The following DNAH9 variants were observed in gnomAD, a reference collection of about 807,000 sequenced individuals.
DNAH9 encodes dynein axonemal heavy chain 9, also known as DNAH9 variant protein.
A neutral mutation model predicts 471.6 loss-of-function variants in DNAH9; 345 were observed. The observed-to-expected ratio is 0.73, with a 90% CI of 0.67 to 0.80. DNAH9 has a LOEUF of 0.80. DNAH9 is among the 30% of genes least tolerant of loss of function. DNAH9 has a pLI of 0.00. For synonymous variants in DNAH9, 2,093 were observed against 2,123.6 expected (o/e 0.99, Z 0.40); for missense variants, 5,407 against 5,609.2 (o/e 0.96, Z 1.15).
At position 11,869,123 on chromosome 17, in the gene DNAH9, T is replaced by A; in HGVS notation, c.9934-11T>A. The A allele has an allele frequency of 6.2e-7, 1 of 1,613,214 alleles. No individual in the cohort carries two copies. On this transcript the variant is annotated splice_polypyrimidine_tract_variant and intron_variant, in intron 50 of 68. Coordinates refer to ENST00000262442, the MANE Select transcript of DNAH9 (RefSeq NM_001372.4). The stretch of plus-strand genomic sequence containing the variant: ...AAATGACTGATGGTCCTTGTATTCC[T>A]TCCTAAACAGCACCTTAATGAAAAC...
In DNAH9 at chr17:11,610,406, A is replaced by G; in HGVS notation, c.625A>G (p.Ile209Val). 6.2e-7 allele frequency: 1 copy of G among 1,613,008 alleles called. No individual in the cohort carries two copies. Among genetic ancestry groups the G allele is most frequent in the Non-Finnish European group, 8.5e-7 (1 of 1,179,590 alleles). Reference sequence around the variant, plus strand: ...TTTTGTCTTTCACAGCTTGGATTCTATAGATAAGTCAGTCATCTATGCCAT... The same window carrying G: ...TTTTGTCTTTCACAGCTTGGATTCTGTAGATAAGTCAGTCATCTATGCCAT... ...DSKSETVLDSIDKSVIYAIES... is the reference protein window; with the variant it reads ...DSKSETVLDSVDKSVIYAIES... Residue 209 changes from isoleucine to valine, a missense_variant, in exon 3 of 69, where the codon ATA (isoleucine) becomes GTA (valine). Physicochemically the swap from Ile to Val is conservative, Grantham distance 29 (BLOSUM62 3). Around this residue, in one of 3 missense-constraint regions of DNAH9, gnomAD observed 767 missense variants for 692.5 expected, o/e 1.11. Coordinates refer to ENST00000262442, the MANE Select transcript of DNAH9 (RefSeq NM_001372.4).
intron 21 of DNAH9, 138 bp downstream of exon 21, chr17:11,694,136 G>T: frequency 7.8e-7 from 1 of 1,277,528 alleles, no homozygotes. Context: ...GGGTAGCATG[G>T]GGCATTATTA....
At chr17:11,930,733 C>G (rs1206212093) in intron 63 of DNAH9, among the ~76,000 whole-genome samples, 1 of 145,926 alleles carries the variant, frequency 6.9e-6, no homozygotes, top group Admixed American at 7.1e-5. Flanking sequence ...CCACTGCACT[C>G]CAGCCTGGGC....
intron 60 of DNAH9, among the ~76,000 whole-genome samples, chr17:11,905,107 G>GCA (rs1973546320): frequency 1.3e-5 from 2 of 151,836 alleles, no homozygotes; most frequent in Admixed American, 1.3e-4. Context: ...GGTGGCAGGC[G>GCA]CCTGTAGTCC....
chr17:11,661,535 C>G (rs1004354460), intron 14 of DNAH9, among the ~76,000 whole-genome samples: 1 of 152,038 alleles, frequency 6.6e-6, no homozygotes, highest in Non-Finnish European at 1.5e-5. Context: ...TTTTGGGTAA[C>G]TGTATATTTT....
chr17:11,781,303 TAA>T, intron 39 of DNAH9, 129 bp downstream of exon 39: 1 of 980,434 alleles, frequency 1.0e-6, no homozygotes, highest in Non-Finnish European at 1.4e-6. Context: ...ATCTTTGTGG[TAA>T]ACCACATTTC....
intron 41 of DNAH9, 147 bp downstream of exon 41, chr17:11,784,686 A>G: frequency 1.7e-6 from 2 of 1,175,586 alleles, no homozygotes; most frequent in Non-Finnish European, 2.4e-6. Context: ...GCAGGTACAC[A>G]CAGTGCCATG....
chr17:11,968,674 CTT>C (rs1333663569), intron 68 of DNAH9, among the ~76,000 whole-genome samples: 1 of 152,172 alleles, frequency 6.6e-6, no homozygotes, highest in Non-Finnish European at 1.5e-5. Flanking sequence ...CCAAGGGAGA[CTT>C]TGGCTCCGCA....
chr17:11,761,788 C>G (rs558246343), intron 35 of DNAH9, among the ~76,000 whole-genome samples: 3 of 152,244 alleles, frequency 2.0e-5, no homozygotes, highest in South Asian at 4.1e-4. Context: ...AGCTACCTTC[C>G]CTGTGCAGGA....
At chr17:11,614,154 C>A (rs377659075) in intron 4 of DNAH9, among the ~76,000 whole-genome samples, 17 of 152,202 alleles carry the variant, frequency 1.1e-4, no homozygotes, top group African/African-American at 3.9e-4. Flanking sequence ...GAAAATTTGG[C>A]AGGATCTTCT....
At position 11,921,534 on chromosome 17, in the gene DNAH9, T is replaced by C. The variant is rs898979451; in HGVS notation, c.11750-2280T>C. ...GTCACAAGCAGTAGGGGTGGAGGCATGGAAGCACCAGCATACAACAATCTG... is the reference window on the plus strand; with the variant it reads ...GTCACAAGCAGTAGGGGTGGAGGCACGGAAGCACCAGCATACAACAATCTG... On this transcript the variant is annotated intron_variant, in intron 61 of 68. Coordinates refer to ENST00000262442, the MANE Select transcript of DNAH9 (RefSeq NM_001372.4). Among the ~76,000 whole-genome samples the C allele has an allele frequency of 2.0e-5, 3 of 152,108 alleles. No homozygotes were observed. In the South Asian group the frequency reaches 6.2e-4, roughly 32 times the overall value.
intron 61 of DNAH9, among the ~76,000 whole-genome samples, chr17:11,906,338 G>A (rs1229058950): frequency 6.6e-6 from 1 of 152,172 alleles, no homozygotes; most frequent in Non-Finnish European, 1.5e-5. Context: ...TAAAGAAAAT[G>A]TGGTACGGCT....
At chr17:11,922,620 C>T (rs1270532479) in intron 61 of DNAH9, among the ~76,000 whole-genome samples, 1 of 152,178 alleles carries the variant, frequency 6.6e-6, no homozygotes. Context: ...ACCAGCAACC[C>T]TTATATACAT....
intron 20 of DNAH9, among the ~76,000 whole-genome samples, chr17:11,690,653 A>G (rs994683293): frequency 1.3e-5 from 2 of 151,874 alleles, no homozygotes; most frequent in East Asian, 1.9e-4. Flanking sequence ...TTGTCCTTCA[A>G]TGGGTAGGAA....
chr17:11,958,668 G>A (rs1975805420), intron 67 of DNAH9, among the ~76,000 whole-genome samples: 1 of 151,882 alleles, frequency 6.6e-6, no homozygotes, highest in Non-Finnish European at 1.5e-5. Flanking sequence ...ATGTGTCGAG[G>A]CAGAAGATAT....
intron 45 of DNAH9, among the ~76,000 whole-genome samples, chr17:11,814,257 G>A (rs1215877561): frequency 6.6e-6 from 1 of 152,108 alleles, no homozygotes; most frequent in African/African-American, 2.4e-5. Flanking sequence ...TTATTCCCTG[G>A]CTTTCCAGGA....
chr17:11,818,716 G>T lies in DNAH9; in HGVS notation c.8708-3204G>T, dbSNP rs531374467. Among the ~76,000 whole-genome samples, 19 of 152,026 alleles carry T rather than the reference G, an allele frequency of 1.2e-4. No homozygotes were observed. In the South Asian group the frequency reaches 2.5e-3, roughly 20 times the overall value. On this transcript the variant is annotated intron_variant, in intron 45 of 68. Coordinates refer to ENST00000262442, the MANE Select transcript of DNAH9 (RefSeq NM_001372.4). ...TTTTCTGATACCCATTGCTTTTCTG[G>T]AGTGAACCACATTCACCTTTACATC...
At position 11,932,858 on chromosome 17, in the gene DNAH9, G is replaced by A. The variant is rs763060968; in HGVS notation, c.12297+653G>A. Among the ~76,000 whole-genome samples the A allele has an allele frequency of 3.3e-5, 5 of 152,104 alleles. No individual in the cohort carries two copies. Among genetic ancestry groups the A allele is most frequent in the African/African-American group, 7.2e-5 (3 of 41,406 alleles). ...ATCAGCAGGAAGAGACTTCACACTC[G>A]CCTGATATAAGTTCCCAAACTTCGC... On this transcript the variant is annotated intron_variant, in intron 64 of 68. Coordinates refer to ENST00000262442, the MANE Select transcript of DNAH9 (RefSeq NM_001372.4). The surrounding 1 kb of genome is among the most constrained non-coding windows in gnomAD (Gnocchi z 4.3).
rs571389433 is a variant in DNAH9 at position 11,954,797 on chromosome 17, A to G, written c.12844-7070A>G. Among the ~76,000 whole-genome samples, 4 of 151,664 alleles carry G rather than the reference A, an allele frequency of 2.6e-5. No individual in the cohort carries two copies. In the South Asian group the frequency reaches 8.3e-4, roughly 32 times the overall value. On this transcript the variant is annotated intron_variant, in intron 67 of 68. Transcript: ENST00000262442. ...AAAAAAAAAAAAAAAAAGAGAGAGAAAGAAATTTCTTAGAAAGAAAGAAAA... is the reference window on the plus strand; with the variant it reads ...AAAAAAAAAAAAAAAAAGAGAGAGAGAGAAATTTCTTAGAAAGAAAGAAAA...
Sources: allele counts gnomAD v4.1 joint callset (sites outside exome capture counted in the v4.1 genomes callset), GRCh38; gene constraint gnomAD v4.1.1; regional missense constraint gnomAD v4.1.1; non-coding constraint Gnocchi (gnomAD v3.1); transcripts MANE v1.5; gene names NCBI Gene and HGNC (gene_info 2026-07-23, HGNC 2026-07-21).